Variants in MTREX observed in about 807,000 individuals in gnomAD.
MTREX encodes exosome RNA helicase MTR4.
A neutral mutation model predicts 135.4 loss-of-function variants in MTREX; 76 were observed. That is an observed-to-expected ratio of 0.56 (90% confidence interval 0.47 to 0.68). The LOEUF is 0.68. Ranked by LOEUF, MTREX falls within the 30% of genes least tolerant of loss-of-function variation. The pLI is 0.00. For missense variants in MTREX, 920 were observed against 1,262.1 expected (o/e 0.73, Z 4.11); for synonymous variants, 404 against 401.6 (o/e 1.01, Z -0.07).
At chr5:55,356,749 C>A (rs12521782) in intron 14 of MTREX, 8,086 of 152,850 alleles carry the variant, frequency 0.053, 368 homozygotes, top group Admixed American at 0.11. Flanking sequence ...GTAGTACTTG[C>A]AGGCCAAAAC....
At chr5:55,324,266 A>G (rs1749334398) in intron 3 of MTREX, 68 bp downstream of exon 3, 5 of 1,097,550 alleles carry the variant, frequency 4.6e-6, no homozygotes, top group African/African-American at 1.6e-5. Flanking sequence ...ATCTAGTATG[A>G]TGATCAGCAA....
chr5:55,366,901 C>G, intron 16 of MTREX, 26 bp downstream of exon 16: 4 of 1,541,346 alleles, frequency 2.6e-6, no homozygotes, highest in Non-Finnish European at 3.5e-6. Flanking sequence ...CATAACAGAG[C>G]TTAGTGTAGC....
chr5:55,395,102 A>T (rs1386328587), intron 19 of MTREX, among the ~76,000 whole-genome samples: 1 of 151,334 alleles, frequency 6.6e-6, no homozygotes, highest in Non-Finnish European at 1.5e-5. Context: ...CCAGAGAGAG[A>T]TATATAAAAT....
chr5:55,406,022 T>G (rs1750799320), intron 22 of MTREX, among the ~76,000 whole-genome samples: 1 of 152,236 alleles, frequency 6.6e-6, no homozygotes, highest in Non-Finnish European at 1.5e-5. Flanking sequence ...AAACTTAGCC[T>G]AGTAACCATT....
rs146655152 is a variant in MTREX, at chr5:55,417,662, A to T, written c.2971+1530A>T. Among the ~76,000 whole-genome samples, 484 of 152,326 alleles carry T rather than the reference A, an allele frequency of 3.2e-3. 2 individuals are homozygous for T. The highest frequency in any genetic ancestry group is 5.4e-3 in the South Asian group (26 of 4,830). Reference sequence around the variant, plus strand: ...ACTGATGAAAATTGCTTAAAACAGGAGCACAGGTTGGTGTATGACAATTGT... The same window carrying T: ...ACTGATGAAAATTGCTTAAAACAGGTGCACAGGTTGGTGTATGACAATTGT... On this transcript the variant is annotated intron_variant, in intron 25 of 26. Transcript: ENST00000230640.
chr5:55,339,741 C>T (rs1290893076), intron 5 of MTREX, among the ~76,000 whole-genome samples: 1 of 152,154 alleles, frequency 6.6e-6, no homozygotes, highest in Admixed American at 6.5e-5. Context: ...AGGTGTTTTC[C>T]TTGCAAGAAA....
chr5:55,320,835 TCA>T (rs773111373), intron 1 of MTREX, among the ~76,000 whole-genome samples: 1 of 152,170 alleles, frequency 6.6e-6, no homozygotes, highest in Non-Finnish European at 1.5e-5. Context: ...AGGGGCAAAG[TCA>T]CAATTTTCCG....
chr5:55,417,906 T>C (rs1009881433), intron 25 of MTREX, among the ~76,000 whole-genome samples: 1 of 151,860 alleles, frequency 6.6e-6, no homozygotes, highest in East Asian at 1.9e-4. Flanking sequence ...TTTTTATTTT[T>C]TTATTTTTAT....
intron 15 of MTREX, among the ~76,000 whole-genome samples, chr5:55,364,108 G>A (rs1750057623): frequency 6.6e-6 from 1 of 152,206 alleles, no homozygotes; most frequent in Admixed American, 6.5e-5. Flanking sequence ...TCAGAGTGGG[G>A]GTTACGTTTT....
At position 55,379,169 on chromosome 5, in the gene MTREX, A is replaced by G. The variant is rs369064038; in HGVS notation, c.2026A>G (p.Asn676Asp). The G allele has an allele frequency of 1.2e-6, 2 of 1,607,798 alleles. No homozygotes were observed. The change falls in exon 18 of 27, where the codon AAT (asparagine) becomes GAT (aspartate). Residue 676 changes from asparagine (N) to aspartate (D), a missense_variant. Asn to Asp is a conservative substitution (Grantham distance 23). Transcript: ENST00000230640. ...TGACTTTGGCTGGGGAGTAGTGGTG[A>G]ATTTCTCAAAAAAGTCAAATGTTAA... The part of the protein sequence containing the change: ...GDDFGWGVVV[N>D]FSKKSNVKPN...
At position 55,379,111 on chromosome 5, in the gene MTREX, TTTTC is replaced by T. The variant is rs751142195; in HGVS notation, c.1984-8_1984-5del. 1.7e-5 allele frequency: 27 copies of T among 1,594,978 alleles called. No individual in the cohort carries two copies. Among genetic ancestry groups the T allele is most frequent in the Non-Finnish European group, 2.3e-5 (27 of 1,165,968 alleles). On this transcript the variant is annotated splice_polypyrimidine_tract_variant and intron_variant, in intron 17 of 26. Coordinates refer to ENST00000230640, the MANE Select transcript of MTREX (RefSeq NM_015360.5). ...ATACATTTGATTCTTGCTTACTTGC[TTTTC>T]TTTCTTTTTAGGTAAAGAATGAAGG...
At chr5:55,400,702 G>A (rs1750711331) in intron 21 of MTREX, among the ~76,000 whole-genome samples, 1 of 152,072 alleles carries the variant, frequency 6.6e-6, no homozygotes, top group South Asian at 2.1e-4. Flanking sequence ...CTTTTAAAAT[G>A]TCCAACTCAC....
At chr5:55,368,569 A>G (rs1309893142) in intron 16 of MTREX, among the ~76,000 whole-genome samples, 4 of 152,152 alleles carry the variant, frequency 2.6e-5, no homozygotes, top group African/African-American at 4.8e-5. Flanking sequence ...CCTTTCTATC[A>G]TGAGTATATA....
At chr5:55,364,851 A>G (rs1750074765) in intron 15 of MTREX, among the ~76,000 whole-genome samples, 1 of 152,250 alleles carries the variant, frequency 6.6e-6, no homozygotes, top group South Asian at 2.1e-4. Flanking sequence ...CTCATTAACC[A>G]TCAATATATG....
intron 18 of MTREX, among the ~76,000 whole-genome samples, chr5:55,381,856 G>T (rs780059940): frequency 6.6e-6 from 1 of 152,072 alleles, no homozygotes; most frequent in Non-Finnish European, 1.5e-5. Flanking sequence ...TTGAAGTCTC[G>T]TAACTATTGT....
chr5:55,329,174 T>A (rs1749428536), intron 5 of MTREX, among the ~76,000 whole-genome samples: 1 of 152,002 alleles, frequency 6.6e-6, no homozygotes. Context: ...AGATACTGGA[T>A]TTTGTCAAGT....
Position 55,424,981 on chromosome 5 carries a change from C to G in MTREX, c.*209C>G. 1.5e-6 allele frequency: 1 copy of G among 660,806 alleles called. No individual in the cohort carries two copies. Among genetic ancestry groups the G allele is most frequent in the Non-Finnish European group, 2.5e-6 (1 of 399,736 alleles). 40.9% of individuals were successfully genotyped at this position (660,806 alleles called of 1,614,324 possible). ...AATAAAAATGTATACAGGTGGGGCA[C>G]TGTTTTGGTGGAAGGCTTGGAGTTT... On this transcript the variant is annotated 3_prime_UTR_variant, in exon 27 of 27. Transcript: ENST00000230640.
At chr5:55,348,283 A>T (rs1259734053) in intron 11 of MTREX, among the ~76,000 whole-genome samples, 2 of 152,096 alleles carry the variant, frequency 1.3e-5, no homozygotes, top group Non-Finnish European at 2.9e-5. Flanking sequence ...AGGAACGCAT[A>T]CCAGTGATAA....
At chr5:55,321,032 G>T (rs771117932) in intron 1 of MTREX, among the ~76,000 whole-genome samples, 1 of 152,026 alleles carries the variant, frequency 6.6e-6, no homozygotes, top group Non-Finnish European at 1.5e-5. Context: ...TGCCATTCTC[G>T]TTAAAATTTT....
Sources: gnomAD v4.1 joint callset for allele counts (sites outside exome capture counted in the v4.1 genomes callset) on GRCh38, gnomAD v4.1.1 for gene constraint, MANE v1.5 for transcripts, NCBI Gene and HGNC (gene_info 2026-07-23, HGNC 2026-07-21) for gene names.